Variants in COBL observed in about 807,000 individuals in gnomAD.
The protein encoded by COBL is protein cordon-bleu.
COBL carries 51 observed loss-of-function variants against 98.8 expected under a neutral mutation model. The observed-to-expected ratio is 0.52, with a 90% CI of 0.41 to 0.65. The LOEUF is 0.65. Ranked by LOEUF, COBL falls within the 30% of genes least tolerant of loss-of-function variation. The pLI, the probability that COBL is intolerant of heterozygous loss-of-function variation, is 0.00. For missense variants in COBL, 1,617 were observed against 1,617.5 expected, an observed-to-expected ratio of 1.00 and a Z score of 0.01; for synonymous variants, 634 against 651.7, an observed-to-expected ratio of 0.97 and a Z score of 0.41.
chr7:51,273,327 C>CAAAAAAAA (rs953811880), intron 1 of COBL, among the ~76,000 whole-genome samples: 1 of 59,494 alleles, frequency 1.7e-5, no homozygotes, highest in Admixed American at 2.0e-4. Context: ...GACTCCATCT[C>CAAAAAAAA]AAAAAAAAAA....
intron 7 of COBL, among the ~76,000 whole-genome samples, chr7:51,044,442 C>T (rs886143850): frequency 1.3e-5 from 2 of 152,310 alleles, no homozygotes; most frequent in African/African-American, 4.8e-5. Flanking sequence ...CATTATTTTT[C>T]TCTTACTGAG....
At chr7:51,229,052 T>C (rs1188216165) in intron 1 of COBL, among the ~76,000 whole-genome samples, 1 of 152,176 alleles carries the variant, frequency 6.6e-6, no homozygotes, top group African/African-American at 2.4e-5. Flanking sequence ...TGCCCTTGCC[T>C]GGAGTGGGTT....
At chr7:51,229,163 G>A (rs1299132656) in intron 1 of COBL, among the ~76,000 whole-genome samples, 2 of 152,330 alleles carry the variant, frequency 1.3e-5, no homozygotes, top group East Asian at 3.9e-4. Context: ...TTCCCTGGAC[G>A]AGGAGTGCAG....
At chr7:51,263,030 C>T (rs1797856666) in intron 1 of COBL, among the ~76,000 whole-genome samples, 1 of 152,214 alleles carries the variant, frequency 6.6e-6, no homozygotes, top group African/African-American at 2.4e-5. Context: ...GTGGAACTGA[C>T]ATCAGTGGGG....
At chr7:51,193,054 C>T (rs1790268240) in intron 3 of COBL, among the ~76,000 whole-genome samples, 2 of 152,188 alleles carry the variant, frequency 1.3e-5, no homozygotes, top group African/African-American at 4.8e-5. Flanking sequence ...AAGCTGCATG[C>T]AGCCAGTGGC....
intron 7 of COBL, among the ~76,000 whole-genome samples, chr7:51,070,399 A>ACACACACACACACACACACACACG (rs1554368797): frequency 2.1e-3 from 312 of 151,608 alleles, no homozygotes; most frequent in African/African-American, 7.1e-3. Flanking sequence ...TAAAACACAC[A>ACACACACACACACACACACACACG]CACACACACA....
intron 5 of COBL, among the ~76,000 whole-genome samples, chr7:51,174,757 C>G (rs992663170): frequency 6.6e-6 from 1 of 152,296 alleles, no homozygotes; most frequent in East Asian, 1.9e-4. Flanking sequence ...ACTCCTTGTC[C>G]CCCTTTGCCT....
At position 51,163,273 on chromosome 7, in the gene COBL, A is replaced by G. The variant is rs1224681232; in HGVS notation, c.783+20829T>C. On this transcript the variant is annotated intron_variant, in intron 5 of 12. Transcript: ENST00000265136. ...AACAACGGCAGAGTGCTCTTCAGAA[A>G]TATTACGTCACTAACATCCTTAATT... is the stretch of plus-strand genomic sequence containing the variant. Among the ~76,000 whole-genome samples the G allele has an allele frequency of 2.0e-5, 3 of 152,378 alleles. No homozygotes were observed. The South Asian group carries it at 6.2e-4, about 32-fold the overall frequency.
intron 1 of COBL, among the ~76,000 whole-genome samples, chr7:51,300,449 C>A (rs907189507): frequency 1.3e-5 from 2 of 152,184 alleles, no homozygotes; most frequent in Admixed American, 6.5e-5. Context: ...GCATGAGCCA[C>A]CATACCTGGC....
intron 1 of COBL, among the ~76,000 whole-genome samples, chr7:51,295,059 G>A (rs955265505): frequency 6.6e-6 from 1 of 151,984 alleles, no homozygotes; most frequent in Non-Finnish European, 1.5e-5. Flanking sequence ...GACCGAGGCA[G>A]GCAGATCACC....
intron 1 of COBL, among the ~76,000 whole-genome samples, chr7:51,255,778 C>T (rs973634358): frequency 6.6e-6 from 1 of 152,180 alleles, no homozygotes; most frequent in Non-Finnish European, 1.5e-5. Flanking sequence ...GTTCCGATGA[C>T]CTCACATCAA....
chr7:51,310,771 G>A (rs188592275), intron 1 of COBL, among the ~76,000 whole-genome samples: 2 of 152,272 alleles, frequency 1.3e-5, no homozygotes, highest in African/African-American at 4.8e-5. Flanking sequence ...CGATTCTCCT[G>A]CCTCAGCCTC....
intron 1 of COBL, among the ~76,000 whole-genome samples, chr7:51,248,995 G>A (rs949016897): frequency 2.6e-5 from 4 of 152,132 alleles, no homozygotes; most frequent in Non-Finnish European, 5.9e-5. Flanking sequence ...AGATAAACCA[G>A]GTTAAGACCC....
chr7:51,305,275 C>A (rs117801003), intron 1 of COBL, among the ~76,000 whole-genome samples: 1 of 152,206 alleles, frequency 6.6e-6, no homozygotes, highest in African/African-American at 2.4e-5. Context: ...GCCAGCCCAG[C>A]GTAAACACAA....
At chr7:51,063,042 G>A (rs979840277) in intron 7 of COBL, among the ~76,000 whole-genome samples, 5 of 152,090 alleles carry the variant, frequency 3.3e-5, no homozygotes, top group African/African-American at 4.8e-5. Flanking sequence ...AAGGCAATAC[G>A]CACAGTTATT....
intron 1 of COBL, among the ~76,000 whole-genome samples, chr7:51,262,078 T>G (rs1245085153): frequency 1.3e-5 from 2 of 152,166 alleles, no homozygotes; most frequent in Non-Finnish European, 2.9e-5. Context: ...CCCGTGCTGA[T>G]GGTGCAGGAA....
chr7:51,135,221 C>T (rs1410413154), intron 6 of COBL, among the ~76,000 whole-genome samples: 1 of 152,132 alleles, frequency 6.6e-6, no homozygotes, highest in Non-Finnish European at 1.5e-5. Context: ...CCTTGGCCTC[C>T]CAAAGCGCCG....
intron 1 of COBL, among the ~76,000 whole-genome samples, chr7:51,283,712 T>C (rs1041841308): frequency 6.6e-5 from 10 of 152,116 alleles, no homozygotes; most frequent in African/African-American, 2.4e-4. Context: ...CTCAAACACC[T>C]GACCTCAGAT....
Position 51,028,384 on chromosome 7 carries a change from A to C in COBL, c.2712T>G (p.Ala904=), listed in dbSNP as rs542798966. 1 of 1,614,276 alleles carries C rather than the reference A, an allele frequency of 6.2e-7. No homozygotes were observed. The highest frequency in any genetic ancestry group is 8.5e-7 in the Non-Finnish European group (1 of 1,180,050). The change falls in exon 10 of 13, where the codon GCT becomes GCG. Residue 904 remains alanine (A), a synonymous_variant. Transcript: ENST00000265136. ...KGYAGKAPVL[A]APPVTVKDDR... The stretch of plus-strand genomic sequence containing the variant: ...CATCTTTCACAGTGACAGGTGGTGC[A>C]GCCAGCACTGGCGCCTTGCCTGCAT...
Sources: gnomAD v4.1 joint callset for allele counts (sites outside exome capture counted in the v4.1 genomes callset) on GRCh38, gnomAD v4.1.1 for gene constraint, MANE v1.5 for transcripts, NCBI Gene and HGNC (gene_info 2026-07-23, HGNC 2026-07-21) for gene names.